Variants in HDX observed in about 807,000 individuals in gnomAD.
HDX encodes highly divergent homeobox, also known as chromosome X open reading frame 43.
In HDX, 19 loss-of-function variants were observed where a neutral mutation model predicts 45.2. That is an observed-to-expected ratio of 0.42 (90% CI 0.29 to 0.62). The LOEUF (loss-of-function observed/expected upper bound fraction) is 0.62. Among genes scored for constraint, HDX ranks in the 20% least tolerant of loss-of-function variants. The probability of loss-of-function intolerance (pLI) is 0.20; values close to 1 mark genes in which losing one functional copy is unlikely to be tolerated. For synonymous variants in HDX, 188 were observed against 172.8 expected, an observed-to-expected ratio of 1.09 and a Z score of -0.69; for missense variants, 532 against 493.9, an observed-to-expected ratio of 1.08 and a Z score of -0.73.
At chrX:84,466,500 C>G (rs1335010828) in intron 4 of HDX, among the ~76,000 whole-genome samples, 1 of 111,718 alleles carries the variant, frequency 9.0e-6, no homozygotes, top group African/African-American at 3.3e-5. Flanking sequence ...GTCAGGTTGC[C>G]TTTCTTTTAA....
intron 5 of HDX, among the ~76,000 whole-genome samples, chrX:84,372,782 C>T (rs767027138): frequency 1.8e-5 from 2 of 111,454 alleles, no homozygotes; most frequent in African/African-American, 6.5e-5. Flanking sequence ...GTCTACAGAA[C>T]AATTATTATC....
At chrX:84,341,901 T>C (rs2037094768) in intron 7 of HDX, among the ~76,000 whole-genome samples, 1 of 110,485 alleles carries the variant, frequency 9.1e-6, no homozygotes. Flanking sequence ...GACTCTTTCC[T>C]TGATTTTAGG....
At chrX:84,481,907 C>A (rs756794154) in intron 2 of HDX, among the ~76,000 whole-genome samples, 6 of 111,112 alleles carry the variant, frequency 5.4e-5, no homozygotes, top group Non-Finnish European at 9.4e-5. Context: ...CTATTGTTTC[C>A]ATCTTTATGT....
intron 5 of HDX, among the ~76,000 whole-genome samples, chrX:84,435,499 C>G (rs1370562744): frequency 9.1e-6 from 1 of 109,835 alleles, no homozygotes; most frequent in African/African-American, 3.3e-5. Context: ...AATTTTCTCC[C>G]ACGTTGTAGG....
intron 4 of HDX, among the ~76,000 whole-genome samples, chrX:84,451,726 A>G (rs751994972): frequency 9.0e-6 from 1 of 111,289 alleles, no homozygotes; most frequent in African/African-American, 3.3e-5. Context: ...GCAAAAAAAA[A>G]CAAATATTTT....
intron 5 of HDX, among the ~76,000 whole-genome samples, chrX:84,369,210 T>A (rs951834629): frequency 8.9e-6 from 1 of 112,283 alleles, no homozygotes; most frequent in Non-Finnish European, 1.9e-5. Context: ...TAGCATAATG[T>A]CCTCAAAGTT....
At chrX:84,497,121 AT>A (rs1212353233) in intron 1 of HDX, among the ~76,000 whole-genome samples, 1 of 111,933 alleles carries the variant, frequency 8.9e-6, no homozygotes, top group Non-Finnish European at 1.9e-5. Context: ...TTCCACAATG[AT>A]TGTAAATTTC....
rs2040402644 is a variant in HDX, at chrX:84,468,801, C to T, written c.922G>A (p.Ala308Thr). The T allele has an allele frequency of 1.7e-6, 2 of 1,209,326 alleles. No homozygotes were observed. The highest frequency in any genetic ancestry group is 1.8e-5 in the South Asian group (1 of 56,789). The change falls in exon 4 of 11, where the codon GCC becomes ACC. Residue 308 changes from alanine to threonine, a missense_variant. By Grantham distance (58) the Ala-to-Thr change is moderately conservative (BLOSUM62 0). Transcript: ENST00000373177. ...METGDAEDEY[A>T]REEELASMRA... The stretch of plus-strand genomic sequence containing the variant: ...ATCGATGCCAGCTCTTCCTCTCTGG[C>T]ATATTCATCCTCAGCATCTCCAGTC...
At position 84,326,165 on chromosome X, in the gene HDX, T is replaced by C. The variant is rs1439481755; in HGVS notation, c.1947+13A>G. The C allele has an allele frequency of 2.5e-6, 3 of 1,205,931 alleles. No homozygotes were observed. The East Asian group carries it at 8.9e-5, about 36-fold the overall frequency. ...TGATACATTGCAGCTTACTAGTCTT[T>C]CCTGGGACCTACCTGCTGTTGTTCC... On this transcript the variant is annotated intron_variant, in intron 10 of 10. Coordinates refer to ENST00000373177, the MANE Select transcript of HDX (RefSeq NM_001177479.2).
intron 5 of HDX, among the ~76,000 whole-genome samples, chrX:84,382,038 G>T (rs1269034089): frequency 1.8e-5 from 2 of 111,489 alleles, no homozygotes; most frequent in African/African-American, 3.3e-5. Flanking sequence ...ATGGGCAAAA[G>T]ATTTGAATAG....
chrX:84,379,696 A>G lies in HDX; in HGVS notation c.1306-18084T>C, dbSNP rs772001795. On this transcript the variant is annotated intron_variant, in intron 5 of 10. Coordinates refer to ENST00000373177, the MANE Select transcript of HDX (RefSeq NM_001177479.2). ...TTTTTTGAAACAAATAATAGAAACAAAACATACCAAAACCTATGGGATACA... is the reference window on the plus strand; with the variant it reads ...TTTTTTGAAACAAATAATAGAAACAGAACATACCAAAACCTATGGGATACA... Among the ~76,000 whole-genome samples the G allele has an allele frequency of 9.9e-5, 11 of 111,051 alleles. No homozygotes were observed. In the South Asian group the frequency reaches 3.7e-3, roughly 38 times the overall value.
At chrX:84,408,499 G>GTT (rs1220751208) in intron 5 of HDX, among the ~76,000 whole-genome samples, 9,230 of 43,761 alleles carry the variant, frequency 0.21, 1,463 homozygotes, top group Middle Eastern at 0.32. Context: ...CTCCAGCTTT[G>GTT]TTTTTTTTTT....
At chrX:84,343,462 A>G (rs779603051) in intron 7 of HDX, among the ~76,000 whole-genome samples, 1 of 110,326 alleles carries the variant, frequency 9.1e-6, no homozygotes, top group South Asian at 3.9e-4. Flanking sequence ...AACAAAAAAC[A>G]CTTTTTGTAG....
intron 5 of HDX, among the ~76,000 whole-genome samples, chrX:84,402,716 A>G (rs1349219725): frequency 8.9e-6 from 1 of 111,748 alleles, no homozygotes; most frequent in Non-Finnish European, 1.9e-5. Flanking sequence ...GTAATTGCTG[A>G]ATCATATGGT....
chrX:84,490,310 C>T (rs1259734773), intron 1 of HDX, among the ~76,000 whole-genome samples: 1 of 111,382 alleles, frequency 9.0e-6, no homozygotes, highest in African/African-American at 3.3e-5. Context: ...TGCTCTTCTA[C>T]TAGTATTTTG....
intron 2 of HDX, among the ~76,000 whole-genome samples, chrX:84,485,020 T>C (rs1016812244): frequency 3.4e-4 from 38 of 112,304 alleles, no homozygotes; most frequent in Middle Eastern, 4.7e-3. Context: ...TTTCTCTTGT[T>C]TACTGTTTAA....
chrX:84,337,877 G>A (rs2036999679), intron 7 of HDX, among the ~76,000 whole-genome samples: 1 of 111,065 alleles, frequency 9.0e-6, no homozygotes, highest in Non-Finnish European at 1.9e-5. Context: ...GTCGGTTCAA[G>A]GCACAGGGTG....
chrX:84,370,977 AC>A (rs1388869620), intron 5 of HDX, among the ~76,000 whole-genome samples: 1 of 112,567 alleles, frequency 8.9e-6, no homozygotes. Context: ...CTTGTCAAAA[AC>A]AAAACAAAAC....
chrX:84,455,724 T>C (rs896330269), intron 4 of HDX, among the ~76,000 whole-genome samples: 2 of 111,519 alleles, frequency 1.8e-5, no homozygotes, highest in Non-Finnish European at 3.8e-5. Flanking sequence ...ATAAGAAAGT[T>C]ATAGAACAGC....
Sources: allele counts gnomAD v4.1 joint callset (sites outside exome capture counted in the v4.1 genomes callset), GRCh38; gene constraint gnomAD v4.1.1; transcripts MANE v1.5; gene names NCBI Gene and HGNC (gene_info 2026-07-23, HGNC 2026-07-21).